FRAS1: variants seen among roughly 807,000 people sequenced by gnomAD.
FRAS1 encodes Fraser extracellular matrix complex subunit 1, also known as extracellular matrix organizing protein FRAS1.
In FRAS1, 290 loss-of-function variants were observed where a neutral mutation model predicts 435.2. That is an observed-to-expected ratio of 0.67 (90% CI 0.61 to 0.73). The LOEUF is 0.73. FRAS1 is among the 30% of genes least tolerant of loss of function. The pLI is 0.00. For synonymous variants in FRAS1, 1,800 were observed against 1,851.0 expected, an observed-to-expected ratio of 0.97 and a Z score of 0.71; for missense variants, 4,860 against 5,001.5, an observed-to-expected ratio of 0.97 and a Z score of 0.85.
intron 54 of FRAS1, 121 bp downstream of exon 54, chr4:78,475,727 TTAAA>T: frequency 1.1e-6 from 1 of 882,462 alleles, no homozygotes; most frequent in Non-Finnish European, 1.6e-6. Context: ...TCTTCAAGTA[TTAAA>T]TAGTTTTCCT....
chr4:78,496,804 G>A lies in FRAS1; in HGVS notation c.8959-1G>A. On this transcript the variant is annotated splice_acceptor_variant, in intron 59 of 73. Coordinates refer to ENST00000512123, the MANE Select transcript of FRAS1 (RefSeq NM_025074.7). LOFTEE classifies it high-confidence loss of function. ...AATCTGTCTTGTGCCATTGGCTCTA[G>A]GTGAAGAACTGTACGGTCTATATCC... is the stretch of plus-strand genomic sequence containing the variant. The A allele has an allele frequency of 1.9e-6, 3 of 1,611,060 alleles. No homozygotes were observed. Among genetic ancestry groups the A allele is most frequent in the Non-Finnish European group, 2.5e-6 (3 of 1,178,840 alleles).
intron 18 of FRAS1, among the ~76,000 whole-genome samples, chr4:78,332,412 G>C (rs1324911680): frequency 6.6e-6 from 1 of 152,190 alleles, no homozygotes; most frequent in African/African-American, 2.4e-5. Context: ...ATCATTAAAG[G>C]TCTGATGAAA....
Position 78,387,457 on chromosome 4 carries a change from G to A in FRAS1, c.3731G>A (p.Arg1244Gln), listed in dbSNP as rs773818730. ...ATCACCACCCAGATGCTTGACATCC[G>A]AGATGATGACAACCCACAGGATGTG... Reference protein sequence around the residue: ...ATITTQMLDIRDDDNPQDVVI... With the variant: ...ATITTQMLDIQDDDNPQDVVI... Residue 1244 changes from arginine to glutamine, a missense_variant, in exon 29 of 74, where the codon CGA becomes CAA. By Grantham distance (43) the Arg-to-Gln change is conservative. Transcript: ENST00000512123. 17 of 1,613,500 alleles carry A rather than the reference G, an allele frequency of 1.1e-5. No homozygotes were observed. Among genetic ancestry groups the A allele is most frequent in the Admixed American group, 1.0e-4 (6 of 59,964 alleles).
At chr4:78,132,006 C>T (rs1050956982) in intron 2 of FRAS1, among the ~76,000 whole-genome samples, 1 of 152,174 alleles carries the variant, frequency 6.6e-6, no homozygotes, top group African/African-American at 2.4e-5. Flanking sequence ...GCTGTTAAAA[C>T]CCTTCTTTAT....
At chr4:78,163,778 A>G (rs751872689) in intron 2 of FRAS1, among the ~76,000 whole-genome samples, 8 of 152,186 alleles carry the variant, frequency 5.3e-5, no homozygotes, top group Non-Finnish European at 1.0e-4. Flanking sequence ...AAAAAATAAT[A>G]TTTTGTTTTC....
chr4:78,222,359 G>A (rs1160763879), intron 2 of FRAS1, among the ~76,000 whole-genome samples: 4 of 152,096 alleles, frequency 2.6e-5, no homozygotes, highest in African/African-American at 4.8e-5. Flanking sequence ...TCATCTCACC[G>A]ATGAGCCCAT....
At chr4:78,486,139 C>T (rs1391333359) in intron 58 of FRAS1, among the ~76,000 whole-genome samples, 1 of 152,184 alleles carries the variant, frequency 6.6e-6, no homozygotes, top group African/African-American at 2.4e-5. Context: ...CAAACATACT[C>T]ATTAACTCGT....
At chr4:78,101,358 G>T (rs1742120544) in intron 2 of FRAS1, among the ~76,000 whole-genome samples, 1 of 151,962 alleles carries the variant, frequency 6.6e-6, no homozygotes, top group Non-Finnish European at 1.5e-5. Context: ...TTCACATATA[G>T]GCATGAGACA....
chr4:78,441,673 C>T (rs1404961557), intron 41 of FRAS1, among the ~76,000 whole-genome samples: 2 of 152,016 alleles, frequency 1.3e-5, no homozygotes, highest in Non-Finnish European at 2.9e-5. Flanking sequence ...TTTGGAATGC[C>T]AGCAATGGGG....
intron 32 of FRAS1, 118 bp from the exon 33 acceptor site, chr4:78,418,831 C>A: frequency 1.7e-6 from 1 of 590,356 alleles, no homozygotes; most frequent in Non-Finnish European, 3.0e-6. Context: ...GAAAATTTGA[C>A]TAAGTGTGAC....
At chr4:78,465,244 T>G (rs967634793) in intron 49 of FRAS1, among the ~76,000 whole-genome samples, 3 of 152,244 alleles carry the variant, frequency 2.0e-5, no homozygotes, top group Admixed American at 2.0e-4. Flanking sequence ...TAGGCTCTGC[T>G]GTAGATGCCG....
intron 60 of FRAS1, among the ~76,000 whole-genome samples, chr4:78,498,183 C>T (rs545793338): frequency 6.6e-6 from 1 of 152,254 alleles, no homozygotes; most frequent in South Asian, 2.1e-4. Flanking sequence ...CAAACTTGCA[C>T]GTTCTGCACA....
intron 2 of FRAS1, among the ~76,000 whole-genome samples, chr4:78,163,578 T>C (rs891224628): frequency 1.2e-4 from 18 of 152,194 alleles, no homozygotes; most frequent in African/African-American, 4.3e-4. Flanking sequence ...TGCCATCCCC[T>C]GCCCTACCCC....
intron 16 of FRAS1, 143 bp downstream of exon 16, chr4:78,315,877 G>A: frequency 3.2e-6 from 3 of 929,886 alleles, no homozygotes; most frequent in Non-Finnish European, 5.0e-6. Flanking sequence ...TCATTATGAA[G>A]CCAATGTGTA....
chr4:78,368,796 G>A (rs1362075064), intron 22 of FRAS1, among the ~76,000 whole-genome samples: 1 of 152,194 alleles, frequency 6.6e-6, no homozygotes, highest in Non-Finnish European at 1.5e-5. Flanking sequence ...TTAAAGACTC[G>A]GAGATTATAT....
intron 2 of FRAS1, among the ~76,000 whole-genome samples, chr4:78,114,445 A>G (rs1294612757): frequency 6.6e-6 from 1 of 152,074 alleles, no homozygotes; most frequent in African/African-American, 2.4e-5. Flanking sequence ...CATGATATTG[A>G]TTCTTCCTGC....
chr4:78,508,243 T>G (rs1168571916), intron 62 of FRAS1, among the ~76,000 whole-genome samples: 1 of 152,218 alleles, frequency 6.6e-6, no homozygotes, highest in African/African-American at 2.4e-5. Context: ...AGAAGAAGCC[T>G]TCTGACTTCC....
chr4:78,475,525 C>T lies in FRAS1; in HGVS notation c.7770C>T (p.Arg2590=). 6.2e-7 allele frequency: 1 copy of T among 1,613,858 alleles called. No homozygotes were observed. The highest frequency in any genetic ancestry group is 8.5e-7 in the Non-Finnish European group (1 of 1,179,806). The change falls in exon 54 of 74, where the codon CGC becomes CGT. Residue 2590 remains arginine, a synonymous_variant. Coordinates refer to ENST00000512123, the MANE Select transcript of FRAS1 (RefSeq NM_025074.7). The part of the protein sequence containing the change: ...NLNQYAIVLC[R]TEQGTASSSS... ...ACCAATATGCCATCGTCCTGTGTCG[C>T]ACCGAGCAAGGCACCGCCAGCTCCA...
In FRAS1 at chr4:78,255,492, T is replaced by C. The variant is rs1000788039; in HGVS notation, c.603+117T>C. On this transcript the variant is annotated intron_variant, in intron 6 of 73. Coordinates refer to ENST00000512123, the MANE Select transcript of FRAS1 (RefSeq NM_025074.7). Reference sequence around the variant, plus strand: ...CTAGAAACAAGAAGCAAAGCCCTTTTTGTTTTCCTCATACTTTTGGAGACC... The same window carrying C: ...CTAGAAACAAGAAGCAAAGCCCTTTCTGTTTTCCTCATACTTTTGGAGACC... The C allele has an allele frequency of 7.3e-6, 8 of 1,098,764 alleles. No individual in the cohort carries two copies. The East Asian group carries it at 1.8e-4, about 25-fold the overall frequency. 68.1% of individuals were successfully genotyped at this position (1,098,764 alleles called of 1,614,324 possible).
Sources: gnomAD v4.1 joint callset for allele counts (sites outside exome capture counted in the v4.1 genomes callset) on GRCh38, gnomAD v4.1.1 for gene constraint, MANE v1.5 for transcripts, NCBI Gene and HGNC (gene_info 2026-07-23, HGNC 2026-07-21) for gene names.